Variants in PSG8 observed in about 807,000 individuals in gnomAD.
The protein encoded by PSG8 is pregnancy specific beta-1-glycoprotein 8, also known as pregnancy-specific beta-1-glycoprotein 8.
In PSG8, 57 loss-of-function variants were observed where a neutral mutation model predicts 42.5. The observed-to-expected ratio is 1.34, with a 90% confidence interval of 1.08 to 1.67. The LOEUF (loss-of-function observed/expected upper bound fraction) is 1.67. PSG8 is among the 40% of genes most tolerant of loss of function. The pLI is 0.00. For synonymous variants in PSG8, 280 were observed against 196.8 expected, an observed-to-expected ratio of 1.42 and a Z score of -3.54; for missense variants, 783 against 518.6, an observed-to-expected ratio of 1.51 and a Z score of -4.95.
At chr19:42,763,230 T>C (rs1970121891) in intron 2 of PSG8, among the ~76,000 whole-genome samples, 1 of 152,194 alleles carries the variant, frequency 6.6e-6, no homozygotes, top group Non-Finnish European at 1.5e-5. Context: ...TTTCTGCTTC[T>C]GGGGACATTA....
downstream of PSG8, among the ~76,000 whole-genome samples, chr19:42,753,782 T>A (rs1450894119): frequency 6.6e-6 from 1 of 152,196 alleles, no homozygotes; most frequent in Non-Finnish European, 1.5e-5. Flanking sequence ...CTTGGTAATA[T>A]AACCAATGAT....
downstream of PSG8, chr19:42,753,314 T>G: frequency 2.6e-6 from 2 of 780,490 alleles, no homozygotes; most frequent in Non-Finnish European, 4.8e-6. Flanking sequence ...GGTCTTTTTC[T>G]TAGCGATTCC....
intron 2 of PSG8, among the ~76,000 whole-genome samples, chr19:42,760,687 AT>A (rs1970051241): frequency 6.6e-6 from 1 of 151,886 alleles, no homozygotes; most frequent in African/African-American, 2.4e-5. Flanking sequence ...GGTTCACGCC[AT>A]TCTCCTGCCT....
chr19:42,758,462 G>C, intron 2 of PSG8, 182 bp from the exon 3 acceptor site: 1 of 1,305,196 alleles, frequency 7.7e-7, no homozygotes, highest in Non-Finnish European at 1.0e-6. Context: ...TTGTGAGGCT[G>C]CCTGCTTCAT....
chr19:42,765,578 C>T lies in PSG8; in HGVS notation c.4G>A (p.Gly2Arg). The T allele has an allele frequency of 6.2e-7, 1 of 1,610,856 alleles. No individual in the cohort carries two copies. Among genetic ancestry groups the T allele is most frequent in the Non-Finnish European group, 8.5e-7 (1 of 1,177,900 alleles). M[G>R]LLSAPPCTQR... ...GTGCAGGGAGGGGCTGAGAGGAGCCCCATGGTCTCTGCTGTCTGTGTGTTC... is the reference window on the plus strand; with the variant it reads ...GTGCAGGGAGGGGCTGAGAGGAGCCTCATGGTCTCTGCTGTCTGTGTGTTC... The change falls in exon 1 of 5, where the codon GGG becomes AGG. Residue 2 changes from glycine (G) to arginine (R), a missense_variant. Coordinates refer to ENST00000306511, the MANE Select transcript of PSG8 (RefSeq NM_182707.3).
Position 42,763,111 on chromosome 19 carries a change from T to C in PSG8, c.430+805A>G, listed in dbSNP as rs569361303. Among the ~76,000 whole-genome samples, 5 of 152,310 alleles carry C rather than the reference T, an allele frequency of 3.3e-5. No homozygotes were observed. In the South Asian group the frequency reaches 1.0e-3, roughly 32 times the overall value. ...TCACCTGACCTAATGCTTGGCACAG[T>C]GGAGGTTTCACACAAATAGCATTTA... On this transcript the variant is annotated intron_variant, in intron 2 of 4. Transcript: ENST00000306511.
chr19:42,765,045 T>A (rs963481976), intron 1 of PSG8, among the ~76,000 whole-genome samples: 1 of 145,438 alleles, frequency 6.9e-6, no homozygotes, highest in Non-Finnish European at 1.5e-5. Context: ...TTTTCCTACC[T>A]CTTACCAATT....
intron 2 of PSG8, among the ~76,000 whole-genome samples, chr19:42,759,254 C>G (rs1255752972): frequency 6.6e-6 from 1 of 152,100 alleles, no homozygotes; most frequent in South Asian, 2.1e-4. Context: ...TTTGACTACT[C>G]TATGTACCTG....
intron 2 of PSG8, among the ~76,000 whole-genome samples, chr19:42,763,091 T>G (rs148569722): frequency 6.6e-6 from 1 of 152,208 alleles, no homozygotes; most frequent in African/African-American, 2.4e-5. Flanking sequence ...CACAGTCACC[T>G]GACCTAATGC....
chr19:42,764,599 C>T (rs1475610193), intron 1 of PSG8, among the ~76,000 whole-genome samples: 2 of 152,056 alleles, frequency 1.3e-5, no homozygotes, highest in Non-Finnish European at 2.9e-5. Context: ...GCCCTCAGGT[C>T]CTGCTCACAT....
At chr19:42,765,067 G>A (rs1970181544) in intron 1 of PSG8, among the ~76,000 whole-genome samples, 1 of 149,958 alleles carries the variant, frequency 6.7e-6, no homozygotes, top group Non-Finnish European at 1.5e-5. Context: ...TGGTTCCTGT[G>A]ACTTTCCTGT....
rs11880709 is a variant in PSG8, at chr19:42,765,244, C to G, written c.64+274G>C. Among the ~76,000 whole-genome samples, 12 of 151,872 alleles carry G rather than the reference C, an allele frequency of 7.9e-5. No individual in the cohort carries two copies. The South Asian group carries it at 2.5e-3, about 32-fold the overall frequency. ...CTCAGCTAGCTGCAACTTCTGCCTC[C>G]TGGGTTCACGTGATTCTTCTGCCTC... On this transcript the variant is annotated intron_variant, in intron 1 of 4. Transcript: ENST00000306511.
chr19:42,753,327 G>T (rs755355428), downstream of PSG8: 4 of 780,326 alleles, frequency 5.1e-6, no homozygotes, highest in South Asian at 4.0e-5. Context: ...GCGATTCCAT[G>T]GAAGAAAATG....
Position 42,757,132 on chromosome 19 carries a change from G to A in PSG8, c.709+870C>T, listed in dbSNP as rs4030922. ...GAAATTCTTTCCTTAATTTCCTTTCGGATTGTTCATTGTTAGTGTATAGTC... is the reference window on the plus strand; with the variant it reads ...GAAATTCTTTCCTTAATTTCCTTTCAGATTGTTCATTGTTAGTGTATAGTC... On this transcript the variant is annotated intron_variant, in intron 3 of 4. Transcript: ENST00000306511. Among the ~76,000 whole-genome samples the A allele has an allele frequency of 3.4e-3, 519 of 151,012 alleles. 1 individual carries two copies. Among genetic ancestry groups the A allele is most frequent in the African/African-American group, 7.5e-3 (306 of 40,656 alleles).
At chr19:42,752,888 A>C (rs902796468), downstream of PSG8, 2 of 248,160 alleles carry the variant, frequency 8.1e-6, no homozygotes, top group African/African-American at 4.4e-5. Flanking sequence ...GTTCATTTCT[A>C]TTGGGAGTCC....
intron 2 of PSG8, 67 bp downstream of exon 2, chr19:42,763,849 T>A: frequency 6.2e-7 from 1 of 1,611,188 alleles, no homozygotes; most frequent in Non-Finnish European, 8.5e-7. Flanking sequence ...GGCCTGACAA[T>A]CCTGTGTGTG....
rs774007363 is a variant in PSG8, at chr19:42,755,235, G to T, written c.741C>A (p.Asn247Lys). Residue 247 changes from asparagine (N) to lysine (K), a missense_variant, in exon 4 of 5, where the codon AAC becomes AAA. Transcript: ENST00000306511. ...CCTTATTCTCCCTGGGTTTTAAGTT[G>T]TTGATGGTGATGTAGGGCTTGGGCA... ...PKLPKPYITI[N>K]NLKPRENKDV... 1.2e-6 allele frequency: 2 copies of T among 1,612,228 alleles called. No homozygotes were observed. The highest frequency in any genetic ancestry group is 4.5e-5 in the East Asian group (2 of 44,880).
At chr19:42,758,709 T>G (rs948943677) in intron 2 of PSG8, 2 of 205,666 alleles carry the variant, frequency 9.7e-6, no homozygotes, top group African/African-American at 2.3e-5. Context: ...AAGGACATCC[T>G]AGAGATGGGT....
chr19:42,755,548 A>G (rs1028451508), intron 3 of PSG8: 10 of 673,534 alleles, frequency 1.5e-5, no homozygotes, highest in African/African-American at 7.2e-5. Context: ...AGCCCCTGGT[A>G]TCCCTCCCAG....
Sources: allele counts gnomAD v4.1 joint callset (sites outside exome capture counted in the v4.1 genomes callset), GRCh38; gene constraint gnomAD v4.1.1; transcripts MANE v1.5; gene names NCBI Gene and HGNC (gene_info 2026-07-23, HGNC 2026-07-21).